KANK1: variants seen among roughly 807,000 people sequenced by gnomAD.
The protein encoded by KANK1 is KN motif and ankyrin repeat domains 1, also known as KN motif and ankyrin repeat domain-containing protein 1.
KANK1 carries 109 observed loss-of-function variants against 106.2 expected under a neutral mutation model. The observed-to-expected ratio is 1.03, with a 90% CI of 0.88 to 1.20. The LOEUF is 1.20. Among genes scored for constraint, KANK1 ranks in the 50% most tolerant of loss-of-function variants. KANK1 has a pLI of 0.00. For synonymous variants in KANK1, 873 were observed against 652.2 expected (o/e 1.34, Z -5.16); for missense variants, 2,399 against 1,710.7 (o/e 1.40, Z -7.10).
At position 580,205 on chromosome 9, in the gene KANK1, G is replaced by GTTCCTCCGGTCTGGAGTTGTTCA. The variant is rs1821695349; in HGVS notation, c.-84+75459_-84+75481dup. Among the ~76,000 whole-genome samples the GTTCCTCCGGTCTGGAGTTGTTCA allele has an allele frequency of 9.2e-5, 14 of 152,026 alleles. 1 individual carries two copies. The highest frequency in any genetic ancestry group is 5.2e-4 in the Admixed American group (8 of 15,276). On this transcript the variant is annotated intron_variant, in intron 1 of 11. Transcript: ENST00000382297. ...TAAGGCGGCGCGTCTGGAGTTGTTC[G>GTTCCTCCGGTCTGGAGTTGTTCA]TTCCTCCGGTCTGGAGTTGTTCATT...
rs141232976 is a variant in KANK1, at chr9:512,549, CAT to C, written c.-84+7797_-84+7798del. Among the ~76,000 whole-genome samples the C allele has an allele frequency of 5.3e-3, 809 of 152,294 alleles. 5 individuals are homozygous for C. The highest frequency in any genetic ancestry group is 0.017 in the African/African-American group (725 of 41,548). On this transcript the variant is annotated intron_variant, in intron 1 of 11. Coordinates refer to ENST00000382297, the MANE Select transcript of KANK1 (RefSeq NM_015158.5). The stretch of plus-strand genomic sequence containing the variant: ...TCCAAAAACATCCTCCAAGTCAACA[CAT>C]AAAATTAACCATCATACCCTGCTAC...
intron 1 of KANK1, among the ~76,000 whole-genome samples, chr9:611,993 C>G (rs1166822664): frequency 6.6e-6 from 1 of 152,212 alleles, no homozygotes; most frequent in Non-Finnish European, 1.5e-5. Context: ...GCTGGGATTA[C>G]AGGCGTGAGC....
At chr9:623,678 C>T (rs1380971762) in intron 1 of KANK1, among the ~76,000 whole-genome samples, 1 of 150,148 alleles carries the variant, frequency 6.7e-6, no homozygotes, top group Non-Finnish European at 1.5e-5. Context: ...AAATGCAAAT[C>T]AAAACCACAA....
At chr9:566,797 AG>A (rs1426958593) in intron 1 of KANK1, among the ~76,000 whole-genome samples, 1 of 152,064 alleles carries the variant, frequency 6.6e-6, no homozygotes, top group Non-Finnish European at 1.5e-5. Context: ...CCCATTCTGT[AG>A]GTTGTCTGTT....
chr9:738,382 A>C lies in KANK1; in HGVS notation c.3431A>C (p.Glu1144Ala). 6.2e-7 allele frequency: 1 copy of C among 1,614,110 alleles called. No homozygotes were observed. Among genetic ancestry groups the C allele is most frequent in the Non-Finnish European group, 8.5e-7 (1 of 1,180,028 alleles). Residue 1144 changes from glutamate to alanine, a missense_variant, in exon 8 of 12, where the codon GAG (glutamate) becomes GCG (alanine). Glu to Ala is a moderately radical substitution (Grantham distance 107). Coordinates refer to ENST00000382297, the MANE Select transcript of KANK1 (RefSeq NM_015158.5). Reference protein sequence around the residue: ...AMVGDYIAAFEAISPDVLRYV... With the variant: ...AMVGDYIAAFAAISPDVLRYV... ...GTGGGGGACTACATAGCTGCTTTTG[A>C]GGCCATTTCCCCAGATGTCCTCCGC...
intron 1 of KANK1, among the ~76,000 whole-genome samples, chr9:618,657 C>G (rs939900744): frequency 2.0e-5 from 3 of 152,120 alleles, no homozygotes; most frequent in Non-Finnish European, 4.4e-5. Context: ...GCACAGTAGA[C>G]ATTCGTGAAA....
chr9:562,919 A>G, intron 1 of KANK1, among the ~76,000 whole-genome samples: 1 of 152,230 alleles, frequency 6.6e-6, no homozygotes, highest in East Asian at 1.9e-4. Context: ...TTATTAACAC[A>G]TTAGAGAGGC....
upstream of KANK1, among the ~76,000 whole-genome samples, chr9:501,792 A>G (rs1030721763): frequency 8.5e-5 from 13 of 152,214 alleles, no homozygotes; most frequent in African/African-American, 3.1e-4. Context: ...GGCTCAAGCT[A>G]TCCTCCTGCT....
chr9:578,641 C>A (rs1271804359), intron 1 of KANK1, among the ~76,000 whole-genome samples: 1 of 152,018 alleles, frequency 6.6e-6, no homozygotes, highest in East Asian at 1.9e-4. Context: ...ACTGTTAAAG[C>A]ATCAGTGCAA....
chr9:595,077 C>T lies in KANK1; in HGVS notation c.-83-81813C>T, dbSNP rs79291542. ...TTTAATTTAAATTTCTTGTTTTGTCCTAATAATCACATTGAAATAGCCAAA... is the reference window on the plus strand; with the variant it reads ...TTTAATTTAAATTTCTTGTTTTGTCTTAATAATCACATTGAAATAGCCAAA... On this transcript the variant is annotated intron_variant, in intron 1 of 11. Coordinates refer to ENST00000382297, the MANE Select transcript of KANK1 (RefSeq NM_015158.5). 3.2e-3 allele frequency among the ~76,000 whole-genome samples: 491 copies of T among 151,742 alleles called. 4 individuals are homozygous for T. The highest frequency in any genetic ancestry group is 5.8e-3 in the Non-Finnish European group (397 of 67,978).
rs899137603 is a variant in KANK1, at chr9:694,836, G to A, written c.38-15968G>A. ...AGGTCATGCCAGTTAGGATGCAGCTGGAAAGGTGCTGCTGAGTGGGACGTG... is the reference window on the plus strand; with the variant it reads ...AGGTCATGCCAGTTAGGATGCAGCTAGAAAGGTGCTGCTGAGTGGGACGTG... On this transcript the variant is annotated intron_variant, in intron 2 of 11. Coordinates refer to ENST00000382297, the MANE Select transcript of KANK1 (RefSeq NM_015158.5). Among the ~76,000 whole-genome samples, 15 of 152,152 alleles carry A rather than the reference G, an allele frequency of 9.9e-5. No individual in the cohort carries two copies. The South Asian group carries it at 3.1e-3, about 31-fold the overall frequency.
rs1312113818 is a variant in KANK1 at position 730,475 on chromosome 9, T to TGAGGCCAGGAGTTC, written c.2896+231_2896+244dup. 5.9e-6 allele frequency: 3 copies of TGAGGCCAGGAGTTC among 510,320 alleles called. No individual in the cohort carries two copies. The Admixed American group carries it at 9.7e-5, about 17-fold the overall frequency. The allele number at this position is 510,320 out of a possible 1,614,324, so 31.6% of individuals were successfully genotyped here. On this transcript the variant is annotated intron_variant, in intron 4 of 11. Coordinates refer to ENST00000382297, the MANE Select transcript of KANK1 (RefSeq NM_015158.5). Reference sequence around the variant, plus strand: ...GGGAGGCCAAGGCAGGCAGATCATTTGAGGCCAGGAGTTCGAGACCAGCCT... The same window carrying TGAGGCCAGGAGTTC: ...GGGAGGCCAAGGCAGGCAGATCATTTGAGGCCAGGAGTTCGAGGCCAGGAGTTCGAGACCAGCCT...
At chr9:582,536 A>G (rs751983881) in intron 1 of KANK1, among the ~76,000 whole-genome samples, 3 of 152,138 alleles carry the variant, frequency 2.0e-5, no homozygotes, top group Non-Finnish European at 2.9e-5. Flanking sequence ...AGCCTAATTG[A>G]CTACAACCAG....
At chr9:667,479 G>A (rs904225829) in intron 1 of KANK1, among the ~76,000 whole-genome samples, 1 of 151,478 alleles carries the variant, frequency 6.6e-6, no homozygotes, top group Non-Finnish European at 1.5e-5. Context: ...TGCTTTTCTA[G>A]TTCCTTGAGA....
intron 2 of KANK1, among the ~76,000 whole-genome samples, chr9:690,583 G>T (rs1819678178): frequency 6.6e-6 from 1 of 152,012 alleles, no homozygotes; most frequent in Non-Finnish European, 1.5e-5. Flanking sequence ...AAAGATGAGG[G>T]CAGGGAACAT....
chr9:594,319 G>C (rs989918651), intron 1 of KANK1, among the ~76,000 whole-genome samples: 3 of 151,902 alleles, frequency 2.0e-5, no homozygotes, highest in African/African-American at 7.3e-5. Flanking sequence ...TAACTAGGGG[G>C]AAAAGGCCAA....
chr9:505,113 G>T (rs979931919), intron 1 of KANK1, among the ~76,000 whole-genome samples: 66 of 152,166 alleles, frequency 4.3e-4, no homozygotes, highest in Non-Finnish European at 2.2e-4. Flanking sequence ...GGGAGGGTGC[G>T]GGCGCCTGGC....
At chr9:642,426 C>T (rs937141635) in intron 1 of KANK1, among the ~76,000 whole-genome samples, 1 of 151,012 alleles carries the variant, frequency 6.6e-6, no homozygotes, top group African/African-American at 2.5e-5. Flanking sequence ...TACACTTGAA[C>T]AAACTAAAAA....
chr9:581,149 G>A (rs757628573), intron 1 of KANK1, among the ~76,000 whole-genome samples: 15 of 152,014 alleles, frequency 9.9e-5, no homozygotes, highest in African/African-American at 3.1e-4. Context: ...TCCCACCCAC[G>A]GCTTTCCCTC....
Sources: gnomAD v4.1 joint callset for allele counts (sites outside exome capture counted in the v4.1 genomes callset) on GRCh38, gnomAD v4.1.1 for gene constraint, MANE v1.5 for transcripts, NCBI Gene and HGNC (gene_info 2026-07-23, HGNC 2026-07-21) for gene names.